Variants in PDE4B observed in about 807,000 individuals in gnomAD.
PDE4B encodes the protein 3',5'-cyclic-AMP phosphodiesterase 4B.
Under a neutral mutation model 82.2 loss-of-function variants are expected in PDE4B, and 20 were observed. That is an observed-to-expected ratio of 0.24 (90% confidence interval 0.17 to 0.35). The LOEUF is 0.35. PDE4B is among the 10% of genes least tolerant of loss of function. The probability of loss-of-function intolerance (pLI) is 1.00; values close to 1 mark genes in which losing one functional copy is unlikely to be tolerated. For synonymous variants in PDE4B, 320 were observed against 318.9 expected (o/e 1.00, Z -0.04); for missense variants, 655 against 907.2 (o/e 0.72, Z 3.57).
chr1:66,325,089 T>C (rs888515263), intron 7 of PDE4B, among the ~76,000 whole-genome samples: 5 of 152,194 alleles, frequency 3.3e-5, no homozygotes, highest in African/African-American at 1.2e-4. Context: ...GAAACTATTT[T>C]ACATTTTATC....
intron 3 of PDE4B, among the ~76,000 whole-genome samples, chr1:66,236,734 T>G (rs1360940465): frequency 1.3e-5 from 2 of 152,082 alleles, no homozygotes; most frequent in African/African-American, 4.8e-5. Flanking sequence ...AGGACAGGGT[T>G]CAGGACAGAG....
chr1:66,270,803 G>C (rs1466683252), intron 7 of PDE4B, among the ~76,000 whole-genome samples: 1 of 152,148 alleles, frequency 6.6e-6, no homozygotes, highest in East Asian at 1.9e-4. Context: ...AAAGAAAAGA[G>C]ATAAAAAAGA....
intron 3 of PDE4B, among the ~76,000 whole-genome samples, chr1:66,071,765 C>T (rs1258096077): frequency 1.3e-5 from 2 of 152,066 alleles, no homozygotes; most frequent in African/African-American, 4.8e-5. Context: ...TCTTTAGATG[C>T]TGTAAGACTA....
intron 3 of PDE4B, among the ~76,000 whole-genome samples, chr1:66,228,082 G>A (rs1256274126): frequency 6.6e-6 from 1 of 152,152 alleles, no homozygotes; most frequent in Non-Finnish European, 1.5e-5. Context: ...AATACACTAG[G>A]CATGCTCTTG....
At chr1:66,137,616 C>G (rs1356544044) in intron 3 of PDE4B, among the ~76,000 whole-genome samples, 9 of 152,236 alleles carry the variant, frequency 5.9e-5, no homozygotes, top group Middle Eastern at 6.8e-3. Context: ...TGAGGCTACC[C>G]TAGTGGCTAA....
chr1:66,125,279 TC>T (rs1457094112), intron 3 of PDE4B, among the ~76,000 whole-genome samples: 1 of 151,540 alleles, frequency 6.6e-6, no homozygotes, highest in African/African-American at 2.4e-5. Context: ...TTCTCCTGCC[TC>T]AGCCTCCCGA....
chr1:66,329,020 C>T (rs1156300217), intron 7 of PDE4B, among the ~76,000 whole-genome samples: 4 of 152,160 alleles, frequency 2.6e-5, no homozygotes, highest in Non-Finnish European at 5.9e-5. Context: ...GGGAGAAATA[C>T]CTAATTCGAC....
intron 3 of PDE4B, among the ~76,000 whole-genome samples, chr1:66,131,190 G>A (rs1218663278): frequency 6.6e-6 from 1 of 152,156 alleles, no homozygotes; most frequent in African/African-American, 2.4e-5. Flanking sequence ...ATATGTCCAA[G>A]TGTCCCCAAT....
chr1:65,935,664 G>A (rs1385583212), intron 3 of PDE4B, among the ~76,000 whole-genome samples: 3 of 152,042 alleles, frequency 2.0e-5, no homozygotes, highest in African/African-American at 7.2e-5. Flanking sequence ...AAACACAGCC[G>A]GGTGTGGTGG....
At chr1:66,197,722 C>A (rs539618560) in intron 3 of PDE4B, among the ~76,000 whole-genome samples, 1 of 152,138 alleles carries the variant, frequency 6.6e-6, no homozygotes, top group African/African-American at 2.4e-5. Flanking sequence ...AATAAATAAA[C>A]TTATTTAAGA....
At chr1:66,066,510 G>A (rs897876206) in intron 3 of PDE4B, among the ~76,000 whole-genome samples, 1 of 151,832 alleles carries the variant, frequency 6.6e-6, no homozygotes, top group African/African-American at 2.4e-5. Context: ...TCACACTTTA[G>A]CACCGGCTCT....
At chr1:66,000,938 C>T (rs749743727) in intron 3 of PDE4B, among the ~76,000 whole-genome samples, 8 of 152,062 alleles carry the variant, frequency 5.3e-5, no homozygotes, top group Non-Finnish European at 7.4e-5. Flanking sequence ...TCCTGGTTCT[C>T]GGTCAGAACA....
chr1:66,148,293 A>T (rs1646315818), intron 3 of PDE4B, among the ~76,000 whole-genome samples: 1 of 151,632 alleles, frequency 6.6e-6, no homozygotes, highest in African/African-American at 2.4e-5. Context: ...ATAATAATAA[A>T]ATAAATAAAA....
At chr1:65,824,679 A>C (rs1309141021) in intron 1 of PDE4B, among the ~76,000 whole-genome samples, 1 of 150,920 alleles carries the variant, frequency 6.6e-6, no homozygotes, top group Non-Finnish European at 1.5e-5. Flanking sequence ...ATATACACAC[A>C]ATTCATAAAC....
At chr1:65,978,617 A>G (rs1014851285) in intron 3 of PDE4B, among the ~76,000 whole-genome samples, 3 of 152,094 alleles carry the variant, frequency 2.0e-5, no homozygotes, top group Non-Finnish European at 2.9e-5. Flanking sequence ...ATATTACTGT[A>G]TTTTTGTGCT....
intron 1 of PDE4B, among the ~76,000 whole-genome samples, chr1:65,802,525 A>T (rs12744733): frequency 0.095 from 14,430 of 152,174 alleles, 844 homozygotes; most frequent in South Asian, 0.15. Context: ...TATGAGAAAT[A>T]GTTTGTTTGT....
intron 1 of PDE4B, among the ~76,000 whole-genome samples, chr1:65,842,058 C>T (rs1360595063): frequency 6.6e-6 from 1 of 152,118 alleles, no homozygotes; most frequent in African/African-American, 2.4e-5. Context: ...GTGAATCTTA[C>T]ACCATGGACA....
intron 3 of PDE4B, among the ~76,000 whole-genome samples, chr1:66,175,655 C>T (rs568593116): frequency 1.3e-5 from 2 of 152,290 alleles, no homozygotes; most frequent in Non-Finnish European, 2.9e-5. Context: ...AGCCTTAGCA[C>T]GTGCAGTGTG....
intron 3 of PDE4B, among the ~76,000 whole-genome samples, chr1:65,994,388 GCTTTAT>G (rs914773999): frequency 4.0e-4 from 61 of 152,136 alleles, no homozygotes; most frequent in African/African-American, 1.3e-3. Flanking sequence ...TCATATAATG[GCTTTAT>G]TGCAGATTTT....
Sources: gnomAD v4.1 joint callset for allele counts (sites outside exome capture counted in the v4.1 genomes callset) on GRCh38, gnomAD v4.1.1 for gene constraint, MANE v1.5 for transcripts, NCBI Gene and HGNC (gene_info 2026-07-23, HGNC 2026-07-21) for gene names.